The following CXXC5 variants were observed in gnomAD, a reference collection of about 807,000 sequenced individuals.
CXXC5 encodes the protein CXXC-type zinc finger protein 5.
CXXC5 carries 2 observed loss-of-function variants against 17.6 expected under a neutral mutation model. The ratio of observed to expected loss-of-function variants is 0.11; its 90% CI spans 0.05 to 0.36. The LOEUF (loss-of-function observed/expected upper bound fraction) is 0.36. Ranked by LOEUF, CXXC5 falls within the 10% of genes least tolerant of loss-of-function variation. The pLI is 1.00. For synonymous variants in CXXC5, 171 were observed against 193.0 expected (o/e 0.89, Z 0.94); for missense variants, 343 against 458.3 (o/e 0.75, Z 2.30).
Position 139,680,366 on chromosome 5 carries a change from T to C in CXXC5, c.-158T>C. The C allele has an allele frequency of 1.9e-6, 2 of 1,057,876 alleles. No homozygotes were observed. Among genetic ancestry groups the C allele is most frequent in the Non-Finnish European group, 1.3e-6 (1 of 755,698 alleles). The allele number at this position is 1,057,876 out of a possible 1,614,324, so 65.5% of individuals were successfully genotyped here. A position where few individuals can be genotyped will look rare whatever the true frequency, so the allele number is the denominator to read the frequency against. ...GACCCTGTATCCTCTTGTGACAGAG[T>C]GAAGACATTTCCACCTGGACACCTG... On this transcript the variant is annotated splice_region_variant and 5_prime_UTR_variant, in exon 2 of 3. Coordinates refer to ENST00000302517, the MANE Select transcript of CXXC5 (RefSeq NM_016463.9).
intron 1 of CXXC5, among the ~76,000 whole-genome samples, chr5:139,655,979 T>C (rs1755474203): frequency 6.6e-6 from 1 of 152,202 alleles, no homozygotes; most frequent in African/African-American, 2.4e-5. Flanking sequence ...GCCTGCCTGG[T>C]GGCCCCCGGG....
rs1347743210 is a variant in CXXC5 at position 139,668,936 on chromosome 5, G to A, written c.-160-11428G>A. ...ATTTTCTCCTGAATTTGGGATTTAGGGAGCTGGGCTTTGTATACCCCTCCC... is the reference window on the plus strand; with the variant it reads ...ATTTTCTCCTGAATTTGGGATTTAGAGAGCTGGGCTTTGTATACCCCTCCC... On this transcript the variant is annotated intron_variant, in intron 1 of 2. Transcript: ENST00000302517. This position sits in a 1 kb window ranked among gnomAD's most constrained non-coding sequence, Gnocchi z 4.1. 2.0e-5 allele frequency among the ~76,000 whole-genome samples: 3 copies of A among 152,140 alleles called. No individual in the cohort carries two copies. The highest frequency in any genetic ancestry group is 2.1e-4 in the South Asian group (1 of 4,830).
At chr5:139,679,214 C>T (rs951183468) in intron 1 of CXXC5, among the ~76,000 whole-genome samples, 3 of 152,214 alleles carry the variant, frequency 2.0e-5, no homozygotes, top group Admixed American at 6.5e-5. Flanking sequence ...ACTCTGCAGG[C>T]CTTGTGAGGC....
At chr5:139,650,442 G>T (rs530723085) in intron 1 of CXXC5, among the ~76,000 whole-genome samples, 239 of 152,340 alleles carry the variant, frequency 1.6e-3, no homozygotes, top group Admixed American at 4.5e-3. Context: ...TTGGGGAGGG[G>T]GCGTGTGTGA....
At chr5:139,674,634 T>C (rs1355096234) in intron 1 of CXXC5, among the ~76,000 whole-genome samples, 1 of 152,214 alleles carries the variant, frequency 6.6e-6, no homozygotes, top group African/African-American at 2.4e-5. Flanking sequence ...ACTTTGTTGA[T>C]TTACTAAAAA....
intron 2 of CXXC5, 29 bp from the exon 3 acceptor site, chr5:139,682,834 T>A: frequency 6.3e-7 from 1 of 1,582,598 alleles, no homozygotes; most frequent in Non-Finnish European, 8.6e-7. Context: ...CTGAACTCTC[T>A]CCTTGTTTTT....
intron 1 of CXXC5, chr5:139,649,716 TGGGA>T (rs1755064623): frequency 6.6e-6 from 1 of 152,418 alleles, no homozygotes; most frequent in South Asian, 2.1e-4. Context: ...GTGCAGAGCC[TGGGA>T]GGGAGAATGG....
intron 2 of CXXC5, among the ~76,000 whole-genome samples, chr5:139,681,707 A>G (rs970468190): frequency 2.0e-5 from 3 of 152,246 alleles, no homozygotes; most frequent in African/African-American, 7.2e-5. Context: ...ATTCTCAGCC[A>G]GGCCCTGGGA....
intron 1 of CXXC5, among the ~76,000 whole-genome samples, chr5:139,671,506 C>T (rs953952975): frequency 8.5e-5 from 13 of 152,200 alleles, no homozygotes; most frequent in African/African-American, 1.9e-4. Context: ...GGGCCAGCCG[C>T]GGGTGGCGGG....
At chr5:139,671,701 C>T (rs749019640) in intron 1 of CXXC5, among the ~76,000 whole-genome samples, 1 of 152,266 alleles carries the variant, frequency 6.6e-6, no homozygotes, top group Non-Finnish European at 1.5e-5. Context: ...TTTCCAGGGC[C>T]TTGGGGTACA....
chr5:139,677,791 C>T (rs1756937357), intron 1 of CXXC5, among the ~76,000 whole-genome samples: 1 of 152,182 alleles, frequency 6.6e-6, no homozygotes, highest in African/African-American at 2.4e-5. Flanking sequence ...AGGTTTGGTC[C>T]CCACCAGGAG....
At chr5:139,676,645 TCTC>T (rs890467614) in intron 1 of CXXC5, among the ~76,000 whole-genome samples, 1 of 140,716 alleles carries the variant, frequency 7.1e-6, no homozygotes, top group Non-Finnish European at 1.5e-5. Context: ...CCTCGCCACT[TCTC>T]CTCTACCCTT....
rs1188339667 is a variant in CXXC5 at position 139,669,717 on chromosome 5, T to TAC, written c.-160-10638_-160-10637dup. On this transcript the variant is annotated intron_variant, in intron 1 of 2. Coordinates refer to ENST00000302517, the MANE Select transcript of CXXC5 (RefSeq NM_016463.9). Reference sequence around the variant, plus strand: ...CCATACTCACGCTTTACTTCCCTTCTACACACACACTCAGCCCCACAGCCA... The same window carrying TAC: ...CCATACTCACGCTTTACTTCCCTTCTACACACACACACTCAGCCCCACAGCCA... Among the ~76,000 whole-genome samples, 3 of 152,076 alleles carry TAC rather than the reference T, an allele frequency of 2.0e-5. No individual in the cohort carries two copies. The South Asian group carries it at 6.2e-4, about 32-fold the overall frequency.
chr5:139,680,569 AGCAGCAGCACCAATG>A lies in CXXC5; in HGVS notation c.52_66del (p.Ser18_Ser22del), dbSNP rs767682690. 2.4e-5 allele frequency: 38 copies of A among 1,592,498 alleles called. No individual in the cohort carries two copies. Among genetic ancestry groups the A allele is most frequent in the Non-Finnish European group, 3.2e-5 (37 of 1,170,710 alleles). On this transcript the variant is annotated inframe_deletion, in exon 2 of 3. Transcript: ENST00000302517. The stretch of plus-strand genomic sequence containing the variant: ...CTCCCAGGATGCCGGCGGCAGTAGC[AGCAGCAGCACCAATG>A]GCAGCGGTGGCAGTGGCAGCAGTGG...
intron 1 of CXXC5, among the ~76,000 whole-genome samples, chr5:139,655,572 C>G (rs1755446591): frequency 6.6e-6 from 1 of 152,096 alleles, no homozygotes; most frequent in Admixed American, 6.5e-5. Context: ...CACACCTCTC[C>G]TTGTGACACC....
At chr5:139,660,924 C>CCTGG (rs1448587673) in intron 1 of CXXC5, among the ~76,000 whole-genome samples, 1 of 132,372 alleles carries the variant, frequency 7.6e-6, no homozygotes, top group Non-Finnish European at 1.6e-5. Flanking sequence ...GGGCAGCTTG[C>CCTGG]CTGGGCCTGG....
intron 2 of CXXC5, 30 bp from the exon 3 acceptor site, chr5:139,682,833 C>T (rs779593554): frequency 1.3e-6 from 2 of 1,582,812 alleles, no homozygotes; most frequent in Non-Finnish European, 1.7e-6. Context: ...ACTGAACTCT[C>T]TCCTTGTTTT....
intron 2 of CXXC5, 44 bp downstream of exon 2, chr5:139,681,491 C>T (rs1208784529): frequency 6.6e-7 from 1 of 1,522,832 alleles, no homozygotes; most frequent in African/African-American, 1.4e-5. Context: ...TTGTGTCTGT[C>T]TGGCAGTCCA....
intron 1 of CXXC5, among the ~76,000 whole-genome samples, chr5:139,656,847 C>A (rs1457306307): frequency 1.3e-5 from 2 of 152,226 alleles, no homozygotes; most frequent in African/African-American, 4.8e-5. Context: ...GCCTCAGCCT[C>A]CCGAGTAGCT....
Sources: gnomAD v4.1 joint callset for allele counts (sites outside exome capture counted in the v4.1 genomes callset) on GRCh38, gnomAD v4.1.1 for gene constraint, Gnocchi (gnomAD v3.1) non-coding constraint, MANE v1.5 for transcripts, NCBI Gene and HGNC (gene_info 2026-07-23, HGNC 2026-07-21) for gene names.